Variants in EPB41L4A observed in about 807,000 individuals in gnomAD.
EPB41L4A encodes the protein band 4.1-like protein 4A.
Under a neutral mutation model 108.6 loss-of-function variants are expected in EPB41L4A, and 100 were observed. That is an observed-to-expected ratio of 0.92 (90% confidence interval 0.78 to 1.09). The LOEUF (loss-of-function observed/expected upper bound fraction) is 1.09. Ranked by LOEUF, EPB41L4A falls within the 50% of genes least tolerant of loss-of-function variation. The probability of loss-of-function intolerance (pLI) is 0.00; values close to 1 mark genes in which losing one functional copy is unlikely to be tolerated. For missense variants in EPB41L4A, 1,030 were observed against 842.7 expected (o/e 1.22, Z -2.75); for synonymous variants, 319 against 289.0 (o/e 1.10, Z -1.05).
At chr5:112,251,839 G>A (rs1401430438) in intron 9 of EPB41L4A, among the ~76,000 whole-genome samples, 1 of 152,170 alleles carries the variant, frequency 6.6e-6, no homozygotes, top group Non-Finnish European at 1.5e-5. Flanking sequence ...CATGAGCACA[G>A]GAATGAAGAA....
At chr5:112,252,835 T>C (rs1354823139) in intron 9 of EPB41L4A, among the ~76,000 whole-genome samples, 4 of 132,374 alleles carry the variant, frequency 3.0e-5, no homozygotes, top group Non-Finnish European at 6.7e-5. Context: ...CTTTAATCTA[T>C]AATAAAAGTT....
intron 1 of EPB41L4A, among the ~76,000 whole-genome samples, chr5:112,399,501 A>T (rs1441900010): frequency 6.6e-6 from 1 of 152,142 alleles, no homozygotes; most frequent in Non-Finnish European, 1.5e-5. Context: ...TTCTCGAAAT[A>T]TATCTGTTTA....
At chr5:112,228,666 A>G (rs1230689632) in intron 12 of EPB41L4A, 17 of 976,698 alleles carry the variant, frequency 1.7e-5, no homozygotes, top group Non-Finnish European at 2.1e-5. Context: ...TTCATTGCCT[A>G]CTTACAGCAG....
At chr5:112,205,536 A>G in intron 13 of EPB41L4A, 32 bp from the exon 14 acceptor site, 1 of 1,492,472 alleles carries the variant, frequency 6.7e-7, no homozygotes, top group Non-Finnish European at 9.2e-7. Flanking sequence ...TGAGAAATAA[A>G]TTAAGTAGAA....
chr5:112,399,903 G>A (rs17134479), intron 1 of EPB41L4A, among the ~76,000 whole-genome samples: 14,451 of 152,050 alleles, frequency 0.095, 2,258 homozygotes, highest in African/African-American at 0.32. Flanking sequence ...CTTCTCCATG[G>A]GCCCATCATG....
chr5:112,258,475 T>C (rs1455942074), intron 9 of EPB41L4A, among the ~76,000 whole-genome samples: 1 of 152,244 alleles, frequency 6.6e-6, no homozygotes, highest in East Asian at 1.9e-4. Context: ...TATCGTGTTT[T>C]CACTCATGTA....
intron 13 of EPB41L4A, among the ~76,000 whole-genome samples, chr5:112,208,280 T>C (rs1470554239): frequency 2.1e-5 from 3 of 144,810 alleles, no homozygotes; most frequent in Non-Finnish European, 3.0e-5. Flanking sequence ...TACACTTACA[T>C]GCTCATTGCA....
chr5:112,195,977 G>A (rs542523023), intron 15 of EPB41L4A, among the ~76,000 whole-genome samples: 1 of 152,268 alleles, frequency 6.6e-6, no homozygotes, highest in South Asian at 2.1e-4. Context: ...TGCAGTTTCA[G>A]AACTGCAATC....
chr5:112,318,261 AC>A (rs1193592400), intron 1 of EPB41L4A, among the ~76,000 whole-genome samples: 1 of 152,218 alleles, frequency 6.6e-6, no homozygotes, highest in Non-Finnish European at 1.5e-5. Context: ...AAAGAAAAAA[AC>A]AAAGCAGTCC....
chr5:112,182,236 G>T (rs1761196236), intron 18 of EPB41L4A, among the ~76,000 whole-genome samples: 1 of 151,964 alleles, frequency 6.6e-6, no homozygotes, highest in Admixed American at 6.6e-5. Context: ...AAGATGAGAG[G>T]ATCTGGCTGT....
chr5:112,374,187 C>G (rs986708952), intron 1 of EPB41L4A, among the ~76,000 whole-genome samples: 23 of 152,188 alleles, frequency 1.5e-4, no homozygotes, highest in African/African-American at 5.5e-4. Context: ...GACTATTAAG[C>G]TGATATTACA....
At chr5:112,403,659 G>A (rs938924174) in intron 1 of EPB41L4A, among the ~76,000 whole-genome samples, 1 of 152,034 alleles carries the variant, frequency 6.6e-6, no homozygotes, top group African/African-American at 2.4e-5. Context: ...TAGAGACGGG[G>A]GTCTCACCGT....
intron 1 of EPB41L4A, among the ~76,000 whole-genome samples, chr5:112,366,763 A>C (rs898594510): frequency 6.6e-6 from 1 of 152,196 alleles, no homozygotes; most frequent in African/African-American, 2.4e-5. Context: ...CCAGGGGGAC[A>C]AATGAAAGGT....
chr5:112,365,558 T>C (rs1759068775), intron 1 of EPB41L4A, among the ~76,000 whole-genome samples: 1 of 152,216 alleles, frequency 6.6e-6, no homozygotes, highest in African/African-American at 2.4e-5. Flanking sequence ...CCTATATACC[T>C]GGCACCCAGC....
chr5:112,147,076 T>G (rs1051418088), intron 12 of EPB41L4A, among the ~76,000 whole-genome samples: 9 of 152,326 alleles, frequency 5.9e-5, no homozygotes, highest in Middle Eastern at 6.8e-3. Flanking sequence ...TGTAATGTGC[T>G]GCTCTAAATT....
intron 18 of EPB41L4A, among the ~76,000 whole-genome samples, chr5:112,174,943 C>T (rs1483617803): frequency 6.6e-6 from 1 of 152,154 alleles, no homozygotes; most frequent in Non-Finnish European, 1.5e-5. Context: ...AGATGTCTTA[C>T]TCTTCTCCCT....
Position 112,418,959 on chromosome 5 carries a change from GGTGGTAAGGGTTAACTTGGATTCAT to G in EPB41L4A, c.56_80del (p.Asp19AlafsTer23), listed in dbSNP as rs749881248. The G allele has an allele frequency of 6.2e-7, 1 of 1,613,192 alleles. No homozygotes were observed. The highest frequency in any genetic ancestry group is 8.5e-7 in the Non-Finnish European group (1 of 1,179,528). The stretch of plus-strand genomic sequence containing the variant: ...CACCCACCTTGATGCCCTGCTGCTG[GGTGGTAAGGGTTAACTTGGATTCAT>G]CCAGGAGCAAAACTTCGCAGTAAAA... On this transcript the variant is annotated frameshift_variant, in exon 1 of 23. Transcript: ENST00000261486. LOFTEE classifies it high-confidence loss of function.
At chr5:112,298,037 G>C (rs1754118386) in intron 2 of EPB41L4A, among the ~76,000 whole-genome samples, 2 of 152,100 alleles carry the variant, frequency 1.3e-5, no homozygotes, top group South Asian at 4.1e-4. Context: ...TGGCCTTATA[G>C]TATAGTTTGA....
Position 112,314,505 on chromosome 5 carries a change from T to TAAAAAAAAAAAA in EPB41L4A, c.100-7027_100-7016dup, listed in dbSNP as rs552428109. Among the ~76,000 whole-genome samples, 109 of 55,190 alleles carry TAAAAAAAAAAAA rather than the reference T, an allele frequency of 2.0e-3. 3 individuals are homozygous for TAAAAAAAAAAAA. Among genetic ancestry groups the TAAAAAAAAAAAA allele is most frequent in the East Asian group, 4.1e-3 (5 of 1,222 alleles). The allele number at this position is 55,190 out of a possible 152,430, so 36.2% of individuals were successfully genotyped here. A position where few individuals can be genotyped will look rare whatever the true frequency, so the allele number is the denominator to read the frequency against. ...CAACAATGTGAAACCCCATCGCTAC[T>TAAAAAAAAAAAA]AAAAAAAAAAAAAAAAAAAAAAAAA... On this transcript the variant is annotated intron_variant, in intron 1 of 22. Transcript: ENST00000261486.
Sources: allele counts gnomAD v4.1 joint callset (sites outside exome capture counted in the v4.1 genomes callset), GRCh38; gene constraint gnomAD v4.1.1; transcripts MANE v1.5; gene names NCBI Gene and HGNC (gene_info 2026-07-23, HGNC 2026-07-21).